The following ULK4 variants were observed in gnomAD, a reference collection of about 807,000 sequenced individuals.
ULK4 encodes the protein inactive serine/threonine-protein kinase ULK4.
A neutral mutation model predicts 160.6 loss-of-function variants in ULK4; 133 were observed. The ratio of observed to expected loss-of-function variants is 0.83; its 90% CI spans 0.72 to 0.96. ULK4 has a LOEUF of 0.96. Among genes scored for constraint, ULK4 ranks in the 40% least tolerant of loss-of-function variants. ULK4 has a pLI of 0.00. For missense variants in ULK4, 1,580 were observed against 1,499.5 expected (o/e 1.05, Z -0.89); for synonymous variants, 534 against 539.8 (o/e 0.99, Z 0.15).
intron 5 of ULK4, among the ~76,000 whole-genome samples, chr3:41,925,761 C>A (rs1238314347): frequency 1.3e-5 from 2 of 152,046 alleles, no homozygotes; most frequent in Non-Finnish European, 2.9e-5. Context: ...GGCGGTTTTA[C>A]CCTCACAGCA....
intron 32 of ULK4, among the ~76,000 whole-genome samples, chr3:41,512,407 A>C (rs1183197425): frequency 2.0e-5 from 3 of 152,222 alleles, no homozygotes. Flanking sequence ...TAGAACTGGT[A>C]AATGAATTCA....
intron 31 of ULK4, among the ~76,000 whole-genome samples, chr3:41,596,431 G>C (rs2031695540): frequency 6.6e-6 from 1 of 152,170 alleles, no homozygotes; most frequent in South Asian, 2.1e-4. Flanking sequence ...ATACAGGGAA[G>C]GGGTCAAGGG....
intron 35 of ULK4, among the ~76,000 whole-genome samples, chr3:41,361,281 T>A (rs760214970): frequency 2.0e-5 from 3 of 152,200 alleles, no homozygotes; most frequent in Non-Finnish European, 4.4e-5. Context: ...GATGATAGGC[T>A]TAAAAATCTT....
intron 35 of ULK4, among the ~76,000 whole-genome samples, chr3:41,358,432 C>G (rs955510903): frequency 1.3e-5 from 2 of 152,126 alleles, no homozygotes; most frequent in Non-Finnish European, 1.5e-5. Flanking sequence ...ATAAAGCAAG[C>G]TAAATCAGCA....
intron 21 of ULK4, among the ~76,000 whole-genome samples, chr3:41,755,072 AAGAC>A (rs2038755823): frequency 6.6e-6 from 1 of 152,242 alleles, no homozygotes; most frequent in African/African-American, 2.4e-5. Context: ...TCCCTTTTAA[AAGAC>A]AGACTATAAA....
At chr3:41,749,993 G>C (rs750175348) in intron 22 of ULK4, among the ~76,000 whole-genome samples, 4 of 152,156 alleles carry the variant, frequency 2.6e-5, no homozygotes, top group Non-Finnish European at 5.9e-5. Flanking sequence ...GCAAGAAAGT[G>C]AGGATGTCAG....
chr3:41,882,017 G>A (rs2125701736), intron 17 of ULK4: 1 of 459,192 alleles, frequency 2.2e-6, no homozygotes. Flanking sequence ...AGTACCAGTA[G>A]AATGAGGCCA....
At chr3:41,624,456 T>G (rs1368913669) in intron 30 of ULK4, among the ~76,000 whole-genome samples, 1 of 152,194 alleles carries the variant, frequency 6.6e-6, no homozygotes, top group Non-Finnish European at 1.5e-5. Context: ...CACAAAACTA[T>G]CTTAATTCCT....
At chr3:41,866,957 C>T (rs1042164682) in intron 17 of ULK4, among the ~76,000 whole-genome samples, 4 of 152,082 alleles carry the variant, frequency 2.6e-5, no homozygotes, top group African/African-American at 9.7e-5. Context: ...CCAGTCTTGA[C>T]GTTAGTAATT....
chr3:41,725,046 C>T (rs1342691648), intron 22 of ULK4, among the ~76,000 whole-genome samples: 1 of 152,130 alleles, frequency 6.6e-6, no homozygotes, highest in Non-Finnish European at 1.5e-5. Flanking sequence ...TTATGAATGT[C>T]TCTTACTCTG....
At chr3:41,535,464 C>T (rs1173651689) in intron 32 of ULK4, among the ~76,000 whole-genome samples, 2 of 152,148 alleles carry the variant, frequency 1.3e-5, no homozygotes, top group Admixed American at 6.5e-5. Flanking sequence ...CCTTTATGTA[C>T]ATTATTATAG....
At chr3:41,585,498 T>C (rs1025904466) in intron 31 of ULK4, among the ~76,000 whole-genome samples, 6 of 152,174 alleles carry the variant, frequency 3.9e-5, no homozygotes, top group African/African-American at 9.6e-5. Flanking sequence ...TTTTACCTTA[T>C]ACCATATACA....
At chr3:41,946,709 G>A (rs894215602) in intron 2 of ULK4, among the ~76,000 whole-genome samples, 1 of 152,160 alleles carries the variant, frequency 6.6e-6, no homozygotes, top group Admixed American at 6.5e-5. Flanking sequence ...GTCACAAGTT[G>A]TATTCTCATG....
intron 21 of ULK4, among the ~76,000 whole-genome samples, chr3:41,785,681 C>A (rs894440167): frequency 6.6e-6 from 1 of 152,172 alleles, no homozygotes; most frequent in Admixed American, 6.5e-5. Context: ...AACCTATCAA[C>A]AATAAGGCTG....
Position 41,700,994 on chromosome 3 carries a change from A to G in ULK4, c.2781+4063T>C, listed in dbSNP as rs374963024. On this transcript the variant is annotated intron_variant, in intron 27 of 36. Transcript: ENST00000301831. Reference sequence around the variant, plus strand: ...CTATATGTGGCAGCAGAAGGGGCATAGTAGAAGACAGGGGAAAAAAAAGAA... The same window carrying G: ...CTATATGTGGCAGCAGAAGGGGCATGGTAGAAGACAGGGGAAAAAAAAGAA... Among the ~76,000 whole-genome samples, 56 of 152,322 alleles carry G rather than the reference A, an allele frequency of 3.7e-4. 1 individual carries two copies. In the South Asian group the frequency reaches 0.01, roughly 28 times the overall value.
In ULK4 at chr3:41,463,105, A is replaced by G. The variant is rs1442238192; in HGVS notation, c.3375T>C (p.Ile1125=). ...LHSMLTYTSG[I]VRLALQAQKS... is the part of the protein sequence containing the mutation. ...CCTCTACCTGCAAAGCCAGCCGTAC[A>G]ATACCGGAGGTATAGGTCAGCATGC... The change falls in exon 33 of 37, where the codon ATT becomes ATC. Residue 1125 remains isoleucine, a synonymous_variant. Transcript: ENST00000301831. 6 of 1,613,634 alleles carry G rather than the reference A, an allele frequency of 3.7e-6. No individual in the cohort carries two copies. Among genetic ancestry groups the G allele is most frequent in the Non-Finnish European group, 5.1e-6 (6 of 1,179,658 alleles).
At chr3:41,508,655 C>A (rs2085475337) in intron 32 of ULK4, among the ~76,000 whole-genome samples, 1 of 152,162 alleles carries the variant, frequency 6.6e-6, no homozygotes, top group South Asian at 2.1e-4. Flanking sequence ...GGACTCTTTG[C>A]AGAGATTCCT....
chr3:41,364,520 T>G (rs1298652360), intron 35 of ULK4, among the ~76,000 whole-genome samples: 1 of 152,256 alleles, frequency 6.6e-6, no homozygotes, highest in African/African-American at 2.4e-5. Flanking sequence ...ATATTTTTTT[T>G]TCCTGGTATT....
chr3:41,882,765 T>A (rs1697570506), intron 17 of ULK4, among the ~76,000 whole-genome samples: 1 of 152,204 alleles, frequency 6.6e-6, no homozygotes, highest in Non-Finnish European at 1.5e-5. Context: ...TCTTGGACTT[T>A]AAGTTCTCTC....
Sources: allele counts gnomAD v4.1 joint callset (sites outside exome capture counted in the v4.1 genomes callset), GRCh38; gene constraint gnomAD v4.1.1; transcripts MANE v1.5; gene names NCBI Gene and HGNC (gene_info 2026-07-23, HGNC 2026-07-21).